The following KCND3 variants were observed in gnomAD, a reference collection of about 807,000 sequenced individuals.
KCND3 encodes potassium voltage-gated channel subfamily D member 3, also known as A-type voltage-gated potassium channel KCND3.
Under a neutral mutation model 51.1 loss-of-function variants are expected in KCND3, and 9 were observed. The ratio of observed to expected loss-of-function variants is 0.18; its 90% confidence interval spans 0.11 to 0.31. KCND3 has a LOEUF of 0.31. KCND3 is among the 10% of genes least tolerant of loss of function. The probability of loss-of-function intolerance (pLI) is 1.00; values close to 1 mark genes in which losing one functional copy is unlikely to be tolerated. For missense variants in KCND3, 526 were observed against 903.8 expected (o/e 0.58, Z 5.36); for synonymous variants, 349 against 368.0 (o/e 0.95, Z 0.59).
intron 2 of KCND3, among the ~76,000 whole-genome samples, chr1:111,964,188 A>G (rs932054315): frequency 1.3e-5 from 2 of 152,210 alleles, no homozygotes; most frequent in Non-Finnish European, 2.9e-5. Context: ...CTGGGCCACA[A>G]TACTGGGCTC....
chr1:111,949,027 G>T (rs1414441215), intron 2 of KCND3, among the ~76,000 whole-genome samples: 1 of 152,224 alleles, frequency 6.6e-6, no homozygotes, highest in African/African-American at 2.4e-5. Flanking sequence ...CTCACTCTGA[G>T]TGTCTAGGCT....
intron 2 of KCND3, among the ~76,000 whole-genome samples, chr1:111,826,800 T>A (rs1000464590): frequency 6.6e-6 from 1 of 152,224 alleles, no homozygotes; most frequent in African/African-American, 2.4e-5. Flanking sequence ...TGTTTAATGA[T>A]CACCTGAAAT....
intron 2 of KCND3, among the ~76,000 whole-genome samples, chr1:111,868,370 T>C (rs1668674251): frequency 6.6e-6 from 1 of 152,174 alleles, no homozygotes; most frequent in South Asian, 2.1e-4. Context: ...CGTGTTTAGG[T>C]AACTCTTATT....
rs1557766744 is a variant in KCND3, at chr1:111,981,497, GC to G, written c.1106+123del. The G allele has an allele frequency of 2.9e-6, 4 of 1,395,004 alleles. No individual in the cohort carries two copies. The highest frequency in any genetic ancestry group is 1.7e-5 in the Admixed American group (1 of 57,838). 86.4% of individuals were successfully genotyped at this position (1,395,004 alleles called of 1,614,324 possible). A position where few individuals can be genotyped will look rare whatever the true frequency, so the allele number is the denominator to read the frequency against. On this transcript the variant is annotated intron_variant, in intron 2 of 7. Coordinates refer to ENST00000302127, the MANE Select transcript of KCND3 (RefSeq NM_001378969.1). This position sits in a 1 kb window ranked among gnomAD's most constrained non-coding sequence, Gnocchi z 6.2. ...CCCTTCGGATAGAGCAACTTCCCCT[GC>G]CCCCAACACTTGGGTAAGGGACTCC... is the stretch of plus-strand genomic sequence containing the variant.
rs1557928587 is a variant in KCND3 at position 111,774,677 on chromosome 1, C to CTTGCTT, written c.*1394_*1399dup. ...GGTAAGAATCATCTAGAATCTCTTA[C>CTTGCTT]TTGCTTTTGCTTTGAAGCATTTTTC... On this transcript the variant is annotated 3_prime_UTR_variant, in exon 8 of 8. Coordinates refer to ENST00000302127, the MANE Select transcript of KCND3 (RefSeq NM_001378969.1). 6.6e-6 allele frequency: 1 copy of CTTGCTT among 152,224 alleles called. No homozygotes were observed. Among genetic ancestry groups the CTTGCTT allele is most frequent in the African/African-American group, 2.4e-5 (1 of 41,456 alleles). The allele number at this position is 152,224 out of a possible 1,614,324, so 9.4% of individuals were successfully genotyped here.
intron 2 of KCND3, among the ~76,000 whole-genome samples, chr1:111,884,334 T>C (rs1274807823): frequency 1.3e-5 from 2 of 152,196 alleles, no homozygotes; most frequent in African/African-American, 4.8e-5. Context: ...GGGACACTGA[T>C]ACCTGCCTAA....
At chr1:111,823,664 T>A (rs1666448538) in intron 2 of KCND3, among the ~76,000 whole-genome samples, 1 of 152,176 alleles carries the variant, frequency 6.6e-6, no homozygotes. Flanking sequence ...CTGCAAAGCA[T>A]CTTTGTGACT....
chr1:111,926,550 G>A (rs896306736), intron 2 of KCND3, among the ~76,000 whole-genome samples: 6 of 152,254 alleles, frequency 3.9e-5, no homozygotes, highest in African/African-American at 1.4e-4. Flanking sequence ...AGCCCTGGTG[G>A]TGGCAGGGAG....
At chr1:111,965,168 T>C (rs1489567237) in intron 2 of KCND3, among the ~76,000 whole-genome samples, 2 of 151,520 alleles carry the variant, frequency 1.3e-5, no homozygotes, top group East Asian at 1.9e-4. Context: ...CAATTCTCTC[T>C]GGATTCTCCA....
chr1:111,836,325 C>T (rs1395640658), intron 2 of KCND3, among the ~76,000 whole-genome samples: 2 of 152,220 alleles, frequency 1.3e-5, no homozygotes, highest in East Asian at 1.9e-4. Context: ...CTGCGGGCAG[C>T]TTGGCAATGA....
intron 2 of KCND3, among the ~76,000 whole-genome samples, chr1:111,835,908 T>G (rs916459799): frequency 1.3e-5 from 2 of 152,234 alleles, no homozygotes; most frequent in Non-Finnish European, 2.9e-5. Flanking sequence ...CCTCAAATTC[T>G]TTCTCGTGTG....
intron 2 of KCND3, among the ~76,000 whole-genome samples, chr1:111,852,526 A>G (rs1025006402): frequency 7.2e-5 from 11 of 152,200 alleles, no homozygotes; most frequent in Admixed American, 5.2e-4. Context: ...TTTAATAAAT[A>G]GGGATTGTGG....
At chr1:111,778,695 A>G (rs892482133) in intron 5 of KCND3, among the ~76,000 whole-genome samples, 4 of 151,416 alleles carry the variant, frequency 2.6e-5, no homozygotes, top group African/African-American at 9.7e-5. Flanking sequence ...CAACCCCAAC[A>G]TTCATTCCTT....
chr1:111,918,699 TAAAAAAC>T (rs1671339848), intron 2 of KCND3, among the ~76,000 whole-genome samples: 1 of 151,868 alleles, frequency 6.6e-6, no homozygotes, highest in African/African-American at 2.4e-5. Context: ...GGAGCCCAAA[TAAAAAAC>T]AAAAACAGCT....
At chr1:111,869,392 G>C (rs1668735021) in intron 2 of KCND3, among the ~76,000 whole-genome samples, 1 of 152,140 alleles carries the variant, frequency 6.6e-6, no homozygotes, top group African/African-American at 2.4e-5. Flanking sequence ...AGCTCTTTCT[G>C]TCACAGCATC....
chr1:111,951,075 CA>C (rs1244565995), intron 2 of KCND3, among the ~76,000 whole-genome samples: 1 of 140,710 alleles, frequency 7.1e-6, no homozygotes, highest in Non-Finnish European at 1.5e-5. Flanking sequence ...GAGGCCGAGG[CA>C]GGAGAACCGC....
At chr1:111,915,763 AAAC>A (rs1458959513) in intron 2 of KCND3, among the ~76,000 whole-genome samples, 2 of 151,254 alleles carry the variant, frequency 1.3e-5, no homozygotes, top group African/African-American at 4.9e-5. Flanking sequence ...AAAAAAAAAA[AAAC>A]AAAAAAAAAA....
At chr1:111,949,253 T>C (rs1025788836) in intron 2 of KCND3, among the ~76,000 whole-genome samples, 13 of 152,232 alleles carry the variant, frequency 8.5e-5, no homozygotes. Flanking sequence ...TTGGTTTCTC[T>C]TTTGTAAAGT....
At chr1:111,958,372 G>A (rs544046649) in intron 2 of KCND3, among the ~76,000 whole-genome samples, 1 of 152,254 alleles carries the variant, frequency 6.6e-6, no homozygotes, top group African/African-American at 2.4e-5. Context: ...AGGTCCATTC[G>A]CAGTGCTCAG....
Sources: gnomAD v4.1 joint callset for allele counts (sites outside exome capture counted in the v4.1 genomes callset) on GRCh38, gnomAD v4.1.1 for gene constraint, Gnocchi (gnomAD v3.1) non-coding constraint, MANE v1.5 for transcripts, NCBI Gene and HGNC (gene_info 2026-07-23, HGNC 2026-07-21) for gene names.